The following ZNF540 variants were observed in gnomAD, a reference collection of about 807,000 sequenced individuals.
ZNF540 encodes the protein zinc finger protein 540.
ZNF540 carries 3 observed loss-of-function variants against 11.8 expected under a neutral mutation model. That is an observed-to-expected ratio of 0.25 (90% confidence interval 0.12 to 0.65). ZNF540 has a LOEUF of 0.65. Ranked by LOEUF, ZNF540 falls within the 30% of genes least tolerant of loss-of-function variation. The pLI is 0.83. For missense variants in ZNF540, 709 were observed against 793.1 expected (o/e 0.89, Z 1.27); for synonymous variants, 247 against 259.0 (o/e 0.95, Z 0.45).
chr19:37,569,293 G>A lies in ZNF540; in HGVS notation c.-73+17628G>A, dbSNP rs1319153865. On this transcript the variant is annotated intron_variant, in intron 1 of 4. Transcript: ENST00000592533. The surrounding 1 kb of genome is among the most constrained non-coding windows in gnomAD (Gnocchi z 4.4). ...CCACAACAAAAACCTACTCAGTAAT[G>A]TTATGAGACCCTTTGTTCTAATCTC... Among the ~76,000 whole-genome samples, 2 of 152,014 alleles carry A rather than the reference G, an allele frequency of 1.3e-5. No individual in the cohort carries two copies. Among genetic ancestry groups the A allele is most frequent in the African/African-American group, 2.4e-5 (1 of 41,378 alleles).
chr19:37,563,497 T>C (rs796255697), intron 1 of ZNF540: 5 of 152,194 alleles, frequency 3.3e-5, no homozygotes, highest in African/African-American at 7.2e-5. Context: ...GGCAAATATA[T>C]ATTTTATACA....
Position 37,613,364 on chromosome 19 carries a change from C to G in ZNF540, c.*101C>G. The G allele has an allele frequency of 1.2e-6, 1 of 855,716 alleles. No individual in the cohort carries two copies. The highest frequency in any genetic ancestry group is 1.7e-6 in the Non-Finnish European group (1 of 601,462). The allele number at this position is 855,716 out of a possible 1,614,324, so 53.0% of individuals were successfully genotyped here. A position where few individuals can be genotyped will look rare whatever the true frequency, so the allele number is the denominator to read the frequency against. ...GTTGATGTTTTTTTACACATATTAA[C>G]TTAATAAATGTATGAGTCTTAAATA... On this transcript the variant is annotated 3_prime_UTR_variant, in exon 5 of 5. Transcript: ENST00000316433.
chr19:37,563,594 A>T (rs2042746323), intron 1 of ZNF540: 1 of 152,086 alleles, frequency 6.6e-6, no homozygotes, highest in African/African-American at 2.4e-5. Flanking sequence ...ACATATATGG[A>T]ATACATATAT....
chr19:37,589,124 C>A (rs1256879557), intron 1 of ZNF540, among the ~76,000 whole-genome samples: 2 of 146,510 alleles, frequency 1.4e-5, no homozygotes, highest in Non-Finnish European at 3.0e-5. Flanking sequence ...CGTTTGAACC[C>A]AGTAGGCGGA....
chr19:37,559,675 G>A (rs1208293035), intron 1 of ZNF540, among the ~76,000 whole-genome samples: 1 of 152,156 alleles, frequency 6.6e-6, no homozygotes, highest in African/African-American at 2.4e-5. Context: ...GGGGGAAAAG[G>A]TATATAGCAT....
upstream of ZNF540, chr19:37,594,336 G>A (rs529952977): frequency 1.3e-5 from 2 of 152,510 alleles, no homozygotes; most frequent in East Asian, 3.9e-4. Context: ...GCATTAACAG[G>A]CGGCAGGTGA....
intron 3 of ZNF540, 118 bp from the exon 4 acceptor site, chr19:37,600,892 T>C (rs1568366532): frequency 2.2e-5 from 18 of 835,602 alleles, no homozygotes; most frequent in Non-Finnish European, 3.1e-5. Flanking sequence ...CTGTCAGTTT[T>C]TTCCGAAGTC....
At chr19:37,561,850 TA>T (rs1373397811) in intron 1 of ZNF540, among the ~76,000 whole-genome samples, 1 of 152,250 alleles carries the variant, frequency 6.6e-6, no homozygotes, top group Non-Finnish European at 1.5e-5. Flanking sequence ...AATGACTGAA[TA>T]ATGAAGGCAT....
chr19:37,588,422 C>T (rs992892161), intron 1 of ZNF540, among the ~76,000 whole-genome samples: 3 of 152,202 alleles, frequency 2.0e-5, no homozygotes, highest in African/African-American at 7.2e-5. Context: ...ACAGATGTGG[C>T]TAGAGGCCAT....
At chr19:37,586,627 A>C in intron 1 of ZNF540, 4 of 1,613,028 alleles carry the variant, frequency 2.5e-6, no homozygotes, top group Non-Finnish European at 3.4e-6. Context: ...ATTACACAAC[A>C]AAATGATTGT....
At chr19:37,611,456 T>C in intron 4 of ZNF540, 57 bp from the exon 5 acceptor site, 2 of 1,407,396 alleles carry the variant, frequency 1.4e-6, no homozygotes, top group South Asian at 2.9e-5. Context: ...AATGTAAACT[T>C]TATGTTATGC....
intron 1 of ZNF540, among the ~76,000 whole-genome samples, chr19:37,559,339 G>C (rs2042693697): frequency 6.6e-6 from 1 of 152,160 alleles, no homozygotes; most frequent in Admixed American, 6.5e-5. Context: ...AAATACTTTT[G>C]ACTTGGCAGT....
intron 3 of ZNF540, 127 bp downstream of exon 3, chr19:37,599,879 G>C (rs999945086): frequency 1.0e-5 from 11 of 1,048,216 alleles, no homozygotes; most frequent in Non-Finnish European, 1.3e-5. Context: ...GGAATGGACT[G>C]AACTTTGATG....
intron 1 of ZNF540, among the ~76,000 whole-genome samples, chr19:37,578,363 AGT>A (rs143511224): frequency 9.2e-5 from 14 of 152,150 alleles, no homozygotes; most frequent in African/African-American, 3.4e-4. Flanking sequence ...ACGGTGAGAG[AGT>A]GAGAGTCCCT....
intron 1 of ZNF540, chr19:37,584,010 C>G: frequency 1.2e-6 from 2 of 1,613,926 alleles, no homozygotes; most frequent in East Asian, 2.2e-5. Flanking sequence ...AACATCACAT[C>G]CCTGTACAAG....
In ZNF540 at chr19:37,612,199, G is replaced by GTT. The variant is rs2044136302; in HGVS notation, c.923_924dup (p.Gln309PhefsTer45). ...TTATGAATGTAAAGAATGTGGAAAA[G>GTT]TTTTTCAACTTATTTTCTACTTTAA... On this transcript the variant is annotated frameshift_variant, in exon 5 of 5. Coordinates refer to ENST00000316433, the MANE Select transcript of ZNF540 (RefSeq NM_001172225.3). LOFTEE classifies it low-confidence loss of function (END_TRUNC). 7 of 1,612,144 alleles carry GTT rather than the reference G, an allele frequency of 4.3e-6. No homozygotes were observed. Among genetic ancestry groups the GTT allele is most frequent in the Non-Finnish European group, 5.9e-6 (7 of 1,179,734 alleles).
chr19:37,564,950 T>C (rs764345901), intron 1 of ZNF540: 3 of 1,613,960 alleles, frequency 1.9e-6, no homozygotes, highest in Non-Finnish European at 2.5e-6. Flanking sequence ...ATGAATTCTT[T>C]GATGATATGT....
rs528789253 is a variant in ZNF540, at chr19:37,603,164, C to A, written c.232+2059C>A. ...CTGGTATTACAGGCGCCTGCCACCACGCCTGGCTAATTTTTGTATTTTAGT... is the reference window on the plus strand; with the variant it reads ...CTGGTATTACAGGCGCCTGCCACCAAGCCTGGCTAATTTTTGTATTTTAGT... On this transcript the variant is annotated intron_variant, in intron 4 of 4. Coordinates refer to ENST00000316433, the MANE Select transcript of ZNF540 (RefSeq NM_001172225.3). 1.5e-4 allele frequency among the ~76,000 whole-genome samples: 23 copies of A among 152,094 alleles called. 1 individual carries two copies. The South Asian group carries it at 4.6e-3, about 30-fold the overall frequency.
intron 1 of ZNF540, chr19:37,562,990 C>T (rs1443222041): frequency 2.6e-5 from 4 of 151,748 alleles, no homozygotes; most frequent in Non-Finnish European, 5.9e-5. Flanking sequence ...TACTGTTTTT[C>T]CTATTTAAAA....
Sources: gnomAD v4.1 joint callset for allele counts (sites outside exome capture counted in the v4.1 genomes callset) on GRCh38, gnomAD v4.1.1 for gene constraint, Gnocchi (gnomAD v3.1) non-coding constraint, MANE v1.5 for transcripts, NCBI Gene and HGNC (gene_info 2026-07-23, HGNC 2026-07-21) for gene names.